The following KRT222 variants were observed in gnomAD, a reference collection of about 807,000 sequenced individuals.
KRT222 encodes the protein keratin-like protein KRT222.
A neutral mutation model predicts 35.0 loss-of-function variants in KRT222; 23 were observed. The ratio of observed to expected loss-of-function variants is 0.66; its 90% CI spans 0.47 to 0.93. The LOEUF is 0.93. Among genes scored for constraint, KRT222 ranks in the 40% least tolerant of loss-of-function variants. The pLI, the probability that KRT222 is intolerant of heterozygous loss-of-function variation, is 0.00. For missense variants in KRT222, 339 were observed against 346.3 expected (o/e 0.98, Z 0.17); for synonymous variants, 108 against 118.8 (o/e 0.91, Z 0.59).
In KRT222 at chr17:40,656,572, G is replaced by C. The variant is rs1164261303; in HGVS notation, c.718C>G (p.Pro240Ala). The C allele has an allele frequency of 6.2e-7, 1 of 1,613,424 alleles. No homozygotes were observed. The highest frequency in any genetic ancestry group is 8.5e-7 in the Non-Finnish European group (1 of 1,179,592). The change falls in exon 6 of 6, where the codon CCT becomes GCT. Residue 240 changes from proline (P) to alanine (A), a missense_variant. Coordinates refer to ENST00000394052, the MANE Select transcript of KRT222 (RefSeq NM_152349.3). ...GAAACAGACTTTTTCCTCAATCGAG[G>C]GTTATCTTTAAAGAAAGAACCTTCC... is the stretch of plus-strand genomic sequence containing the variant. ...EWEGSFFKDN[P>A]RLRKKSVSLR...
rs1472635759 is a variant in KRT222 at position 40,655,046 on chromosome 17, T to TAA, written c.*1354_*1355dup. On this transcript the variant is annotated 3_prime_UTR_variant, in exon 6 of 6. Transcript: ENST00000394052. ...GTTGAAATATATATATACATATATA[T>TAA]AAATTATATATATGTATATATATAA... The TAA allele has an allele frequency of 1.2e-4, 18 of 144,538 alleles. No homozygotes were observed. The highest frequency in any genetic ancestry group is 4.5e-4 in the African/African-American group (18 of 40,366). The allele number at this position is 144,538 out of a possible 1,614,324, so 9.0% of individuals were successfully genotyped here.
Position 40,661,923 on chromosome 17 carries a change from T to C in KRT222, c.218A>G (p.His73Arg). 6.2e-7 allele frequency: 1 copy of C among 1,614,120 alleles called. No individual in the cohort carries two copies. The highest frequency in any genetic ancestry group is 8.5e-7 in the Non-Finnish European group (1 of 1,180,010). ...HHLQVEIESL[H>R]AVERGLENSL... ...TTTTGGGATCATTCTCACCACAGCA[T>C]GGAGAGATTCAATTTCCACTTGCAG... The change falls in exon 2 of 6, where the codon CAT becomes CGT. Residue 73 changes from histidine (H) to arginine (R), a missense_variant. Coordinates refer to ENST00000394052, the MANE Select transcript of KRT222 (RefSeq NM_152349.3).
intron 4 of KRT222, 34 bp from the exon 5 acceptor site, chr17:40,657,521 C>A (rs764956923): frequency 4.2e-5 from 65 of 1,537,284 alleles, no homozygotes; most frequent in Non-Finnish European, 5.7e-5. Flanking sequence ...TATTAAATTA[C>A]AGTATTGAAT....
At chr17:40,659,561 C>T (rs1333421309) in intron 3 of KRT222, among the ~76,000 whole-genome samples, 1 of 152,018 alleles carries the variant, frequency 6.6e-6, no homozygotes, top group Non-Finnish European at 1.5e-5. Context: ...GTAGCTGGGA[C>T]TACAGGTGTG....
chr17:40,665,173 T>C lies in KRT222; in HGVS notation c.-74A>G. ...AGTCGCTGCGGCAGTCTGCTCGGTC[T>C]GCGCGGAAGGCAGGGAGCCTCGCAG... On this transcript the variant is annotated 5_prime_UTR_variant, in exon 1 of 6. Coordinates refer to ENST00000394052, the MANE Select transcript of KRT222 (RefSeq NM_152349.3). 1 of 1,400,564 alleles carries C rather than the reference T, an allele frequency of 7.1e-7. No individual in the cohort carries two copies. Among genetic ancestry groups the C allele is most frequent in the Non-Finnish European group, 1.0e-6 (1 of 991,724 alleles). The allele number at this position is 1,400,564 out of a possible 1,614,324, so 86.8% of individuals were successfully genotyped here.
At chr17:40,664,460 A>G (rs1464104568) in intron 1 of KRT222, among the ~76,000 whole-genome samples, 1 of 152,188 alleles carries the variant, frequency 6.6e-6, no homozygotes, top group Non-Finnish European at 1.5e-5. Context: ...AATGGTCATA[A>G]TTTATATCAT....
chr17:40,661,293 G>T (rs1204154523), intron 2 of KRT222, among the ~76,000 whole-genome samples: 2 of 150,364 alleles, frequency 1.3e-5, no homozygotes, highest in African/African-American at 2.5e-5. Context: ...TGGAGACAGA[G>T]TCTCGCTCTG....
chr17:40,661,860 T>G, intron 2 of KRT222, 56 bp downstream of exon 2: 1 of 1,567,348 alleles, frequency 6.4e-7, no homozygotes. Context: ...TTCCTTCTCT[T>G]AATCAAATCA....
At chr17:40,661,320 G>T (rs1256833632) in intron 2 of KRT222, among the ~76,000 whole-genome samples, 1 of 151,382 alleles carries the variant, frequency 6.6e-6, no homozygotes, top group Non-Finnish European at 1.5e-5. Flanking sequence ...AGGCTGGAGT[G>T]CAGTGGCATG....
chr17:40,656,600 T>C lies in KRT222; in HGVS notation c.690A>G (p.Glu230=). The change falls in exon 6 of 6, where the codon GAA becomes GAG. Residue 230 remains glutamate (E), a synonymous_variant. Coordinates refer to ENST00000394052, the MANE Select transcript of KRT222 (RefSeq NM_152349.3). ...QTEKVDEVIK[E]WEGSFFKDNP... ...TATCTTTAAAGAAAGAACCTTCCCA[T>C]TCTTTAATAACTTCATCCACTTTCT... 1 of 1,610,896 alleles carries C rather than the reference T, an allele frequency of 6.2e-7. No individual in the cohort carries two copies.
At chr17:40,658,246 A>T (rs1221110131) in intron 3 of KRT222, among the ~76,000 whole-genome samples, 3 of 151,780 alleles carry the variant, frequency 2.0e-5, no homozygotes, top group Non-Finnish European at 2.9e-5. Flanking sequence ...GTGTAGCCTA[A>T]TTTTTTTAAA....
chr17:40,659,153 C>T (rs1173397926), intron 3 of KRT222, among the ~76,000 whole-genome samples: 2 of 138,830 alleles, frequency 1.4e-5, no homozygotes, highest in Non-Finnish European at 3.1e-5. Flanking sequence ...CTCTCTCTCT[C>T]TCTCTTTTTT....
intron 3 of KRT222, among the ~76,000 whole-genome samples, chr17:40,658,779 G>A (rs192139298): frequency 2.6e-5 from 4 of 152,268 alleles, no homozygotes; most frequent in Non-Finnish European, 5.9e-5. Flanking sequence ...CAAGAATAAA[G>A]ATTTTTTCAT....
At position 40,655,148 on chromosome 17, in the gene KRT222, A is replaced by G. The variant is rs2037335974; in HGVS notation, c.*1254T>C. The G allele has an allele frequency of 6.6e-6, 1 of 150,574 alleles. No individual in the cohort carries two copies. The highest frequency in any genetic ancestry group is 2.1e-4 in the South Asian group (1 of 4,812). The allele number at this position is 150,574 out of a possible 1,614,324, so 9.3% of individuals were successfully genotyped here. On this transcript the variant is annotated 3_prime_UTR_variant, in exon 6 of 6. Transcript: ENST00000394052. ...GAAATATTTTAAAGGCTGTACTAAA[A>G]TGCTAACGTAGCTATAGCCCTTAGA...
At chr17:40,663,111 C>T (rs2037395950) in intron 1 of KRT222, among the ~76,000 whole-genome samples, 1 of 152,136 alleles carries the variant, frequency 6.6e-6, no homozygotes, top group African/African-American at 2.4e-5. Flanking sequence ...AGAGCAACTA[C>T]AGAAGGTAAA....
intron 3 of KRT222, among the ~76,000 whole-genome samples, chr17:40,658,191 A>G (rs541869533): frequency 1.3e-5 from 2 of 151,580 alleles, no homozygotes; most frequent in East Asian, 1.9e-4. Flanking sequence ...AAGTGGGTAC[A>G]GAGGTGGTCA....
chr17:40,660,355 A>G lies in KRT222; in HGVS notation c.226-148T>C, dbSNP rs891406843. The G allele has an allele frequency of 2.4e-5, 15 of 635,022 alleles. No individual in the cohort carries two copies. In the African/African-American group the frequency reaches 2.6e-4, roughly 11 times the overall value. The allele number at this position is 635,022 out of a possible 1,614,324, so 39.3% of individuals were successfully genotyped here. ...TAGTGCAATGCCATGATCTCGGTTC[A>G]CTGGAAACTCCACCTCCTGGGCTCA... is the stretch of plus-strand genomic sequence containing the variant. On this transcript the variant is annotated intron_variant, in intron 2 of 5. Coordinates refer to ENST00000394052, the MANE Select transcript of KRT222 (RefSeq NM_152349.3).
rs745894583 is a variant in KRT222, at chr17:40,659,155, CTCT to C, written c.446+829_446+831del. On this transcript the variant is annotated intron_variant, in intron 3 of 5. Coordinates refer to ENST00000394052, the MANE Select transcript of KRT222 (RefSeq NM_152349.3). ...TTAGGAAAGGTCTCTCTCTCTCTCT[CTCT>C]TTTTTTTTTTTTTTTGAGGTGGAGT... Among the ~76,000 whole-genome samples the C allele has an allele frequency of 7.2e-3, 973 of 134,630 alleles. 10 individuals carry two copies. Among genetic ancestry groups the C allele is most frequent in the African/African-American group, 0.021 (822 of 38,360 alleles). The allele number at this position is 134,630 out of a possible 152,430, so 88.3% of individuals were successfully genotyped here.
At position 40,661,991 on chromosome 17, in the gene KRT222, T is replaced by C. The variant is rs1335769401; in HGVS notation, c.150A>G (p.Ala50=). 2 of 1,614,098 alleles carry C rather than the reference T, an allele frequency of 1.2e-6. No homozygotes were observed. Among genetic ancestry groups the C allele is most frequent in the Non-Finnish European group, 1.7e-6 (2 of 1,180,042 alleles). The change falls in exon 2 of 6, where the codon GCA becomes GCG. Residue 50 remains alanine, a synonymous_variant. Transcript: ENST00000394052. ...GGGCCTCCTTGAGTTCTGCTTGAGC[T>C]GCCTTCAAAGCCTCTTCATCTTTGT... ...KMDKDEEALK[A]AQAELKEARR... is the part of the protein sequence containing the mutation.
Sources: gnomAD v4.1 joint callset for allele counts (sites outside exome capture counted in the v4.1 genomes callset) on GRCh38, gnomAD v4.1.1 for gene constraint, MANE v1.5 for transcripts, NCBI Gene and HGNC (gene_info 2026-07-23, HGNC 2026-07-21) for gene names.